The following GPR107 variants were observed in gnomAD, a reference collection of about 807,000 sequenced individuals.
GPR107 encodes the protein protein GPR107.
A neutral mutation model predicts 75.5 loss-of-function variants in GPR107; 31 were observed. The ratio of observed to expected loss-of-function variants is 0.41; its 90% CI spans 0.31 to 0.55. The LOEUF (loss-of-function observed/expected upper bound fraction) is 0.55, where lower values mean the gene tolerates loss of function less well. GPR107 is among the 20% of genes least tolerant of loss of function. GPR107 has a pLI of 0.26. For synonymous variants in GPR107, 267 were observed against 251.3 expected (o/e 1.06, Z -0.59); for missense variants, 572 against 665.7 (o/e 0.86, Z 1.55).
chr9:130,093,475 G>A (rs1830790684), intron 9 of GPR107, among the ~76,000 whole-genome samples: 1 of 152,134 alleles, frequency 6.6e-6, no homozygotes. Context: ...GCATTGGGGT[G>A]GAAATTGAGA....
chr9:130,100,461 T>C (rs919411513), intron 10 of GPR107, among the ~76,000 whole-genome samples, 168 bp from the exon 11 acceptor site: 5 of 152,236 alleles, frequency 3.3e-5, no homozygotes, highest in African/African-American at 1.2e-4. Flanking sequence ...CATGTACTCT[T>C]TGCTGTACTT....
intron 9 of GPR107, among the ~76,000 whole-genome samples, chr9:130,097,706 TG>T (rs1391348672): frequency 2.7e-5 from 4 of 146,000 alleles, no homozygotes; most frequent in Admixed American, 7.0e-5. Flanking sequence ...CTGTATTCTT[TG>T]GGTTTTTTTT....
At chr9:130,055,394 G>A (rs940335307) in intron 1 of GPR107, among the ~76,000 whole-genome samples, 2 of 152,078 alleles carry the variant, frequency 1.3e-5, no homozygotes, top group Non-Finnish European at 2.9e-5. Flanking sequence ...GCGTGAACCT[G>A]GGAGGCGCTT....
rs1830524372 is a variant in GPR107 at position 130,082,759 on chromosome 9, A to T, written c.527-806A>T. On this transcript the variant is annotated intron_variant, in intron 5 of 17. Coordinates refer to ENST00000347136, the MANE Select transcript of GPR107 (RefSeq NM_020960.5). ...CTCCCAAAGTGCTGGGATTATAGGC[A>T]TGAGCCACCGCACCCAGCCCAAGAA... 2.0e-5 allele frequency among the ~76,000 whole-genome samples: 3 copies of T among 152,042 alleles called. No homozygotes were observed. In the South Asian group the frequency reaches 6.2e-4, roughly 31 times the overall value.
At chr9:130,113,737 G>A (rs1831358766) in intron 14 of GPR107, among the ~76,000 whole-genome samples, 1 of 152,202 alleles carries the variant, frequency 6.6e-6, no homozygotes, top group Non-Finnish European at 1.5e-5. Flanking sequence ...TGGACCAGTG[G>A]AGTTTATTAA....
At chr9:130,104,210 A>G (rs997244440) in intron 12 of GPR107, among the ~76,000 whole-genome samples, 3 of 152,148 alleles carry the variant, frequency 2.0e-5, no homozygotes, top group Non-Finnish European at 4.4e-5. Context: ...TATTAGAGCA[A>G]TTACGGCCTG....
intron 9 of GPR107, 129 bp from the exon 10 acceptor site, chr9:130,099,328 A>T: frequency 3.4e-6 from 2 of 586,096 alleles, no homozygotes; most frequent in Non-Finnish European, 3.0e-6. Flanking sequence ...AAAAAAAAAA[A>T]GTTTCATGTT....
intron 4 of GPR107, among the ~76,000 whole-genome samples, 174 bp downstream of exon 4, chr9:130,077,552 G>A (rs1017430425): frequency 2.6e-5 from 4 of 152,130 alleles, no homozygotes; most frequent in African/African-American, 7.2e-5. Context: ...GAGACAGAAC[G>A]GAAATACACA....
chr9:130,069,984 C>CTTTTTTTTTTTTT lies in GPR107; in HGVS notation c.142-5637_142-5625dup, dbSNP rs1045979986. ...AGGCATAAGCCACCGTGCCTGGCCT[C>CTTTTTTTTTTTTT]TTTTTTTTTTTTTTTTTTTTTTTTT... is the stretch of plus-strand genomic sequence containing the variant. On this transcript the variant is annotated intron_variant, in intron 1 of 17. Coordinates refer to ENST00000347136, the MANE Select transcript of GPR107 (RefSeq NM_020960.5). Among the ~76,000 whole-genome samples, 122 of 45,240 alleles carry CTTTTTTTTTTTTT rather than the reference C, an allele frequency of 2.7e-3. 2 individuals carry two copies. The highest frequency in any genetic ancestry group is 3.0e-3 in the Non-Finnish European group (71 of 24,000). The allele number at this position is 45,240 out of a possible 152,430, so 29.7% of individuals were successfully genotyped here. A position where few individuals can be genotyped will look rare whatever the true frequency, so the allele number is the denominator to read the frequency against.
At position 130,112,226 on chromosome 9, in the gene GPR107, G is replaced by A. The variant is rs996915345; in HGVS notation, c.1306+4687G>A. Among the ~76,000 whole-genome samples, 3 of 152,218 alleles carry A rather than the reference G, an allele frequency of 2.0e-5. No individual in the cohort carries two copies. The highest frequency in any genetic ancestry group is 7.2e-5 in the African/African-American group (3 of 41,450). ...GCTTCAGAAGTATTTAAACAATCCC[G>A]GTTGGCTGGCTGCAGAGTTGATGGA... On this transcript the variant is annotated intron_variant, in intron 14 of 17. Transcript: ENST00000347136. This position sits in a 1 kb window ranked among gnomAD's most constrained non-coding sequence, Gnocchi z 4.0.
chr9:130,091,526 CTTT>C (rs375016486), intron 8 of GPR107, among the ~76,000 whole-genome samples: 4 of 123,182 alleles, frequency 3.2e-5, no homozygotes, highest in Admixed American at 8.6e-5. Flanking sequence ...CTGGTACTCA[CTTT>C]TTTTTTTTTT....
chr9:130,061,222 G>A (rs1232101259), intron 1 of GPR107, among the ~76,000 whole-genome samples: 2 of 152,190 alleles, frequency 1.3e-5, no homozygotes, highest in East Asian at 3.9e-4. Context: ...AGTGGTAATG[G>A]ACAGCTAGCT....
intron 14 of GPR107, among the ~76,000 whole-genome samples, chr9:130,115,762 CAAAAAAA>C (rs765306078): frequency 4.4e-5 from 4 of 90,192 alleles, no homozygotes; most frequent in South Asian, 3.8e-4. Context: ...GACTCCGTCT[CAAAAAAA>C]AAAAAAAAAA....
At chr9:130,128,566 T>G (rs1293105499) in intron 16 of GPR107, 74 bp from the exon 17 acceptor site, 1 of 1,247,196 alleles carries the variant, frequency 8.0e-7, no homozygotes, top group Non-Finnish European at 1.2e-6. Context: ...ATATGTCAGT[T>G]TGTTGAATTC....
intron 1 of GPR107, among the ~76,000 whole-genome samples, chr9:130,054,626 A>G (rs1376355488): frequency 6.6e-6 from 1 of 152,226 alleles, no homozygotes; most frequent in Non-Finnish European, 1.5e-5. Flanking sequence ...GTGTGTCTCT[A>G]ATCAAAGGGC....
At chr9:130,114,052 T>TTTTTTTTTTTTTTTCA (rs1564680203) in intron 14 of GPR107, among the ~76,000 whole-genome samples, 1 of 63,830 alleles carries the variant, frequency 1.6e-5, no homozygotes, top group Non-Finnish European at 4.0e-5. Context: ...TTTTTTTTCA[T>TTTTTTTTTTTTTTTCA]TTTTTTTTTT....
chr9:130,119,008 C>A (rs972906873), intron 14 of GPR107, among the ~76,000 whole-genome samples: 2 of 152,218 alleles, frequency 1.3e-5, no homozygotes, highest in African/African-American at 4.8e-5. Context: ...AGAAATAGCC[C>A]GCCCAGCCTT....
Position 130,070,215 on chromosome 9 carries a change from C to T in GPR107, c.142-5421C>T, listed in dbSNP as rs1255793521. On this transcript the variant is annotated intron_variant, in intron 1 of 17. Transcript: ENST00000347136. ...TGGGTTTTCACCATGTTGCCCAGGC[C>T]GGCCTTAAAATACGGGGCTCAAGTG... 4.6e-5 allele frequency among the ~76,000 whole-genome samples: 7 copies of T among 150,544 alleles called. No individual in the cohort carries two copies. The East Asian group carries it at 5.8e-4, about 13-fold the overall frequency.
chr9:130,055,601 A>C (rs1829762301), intron 1 of GPR107, among the ~76,000 whole-genome samples: 1 of 152,154 alleles, frequency 6.6e-6, no homozygotes, highest in South Asian at 2.1e-4. Context: ...GCAAACTATG[A>C]AGCATTGTAT....
Sources: gnomAD v4.1 joint callset for allele counts (sites outside exome capture counted in the v4.1 genomes callset) on GRCh38, gnomAD v4.1.1 for gene constraint, Gnocchi (gnomAD v3.1) non-coding constraint, MANE v1.5 for transcripts, NCBI Gene and HGNC (gene_info 2026-07-23, HGNC 2026-07-21) for gene names.